Variants in ACTR8 observed in about 807,000 individuals in gnomAD.
The protein encoded by ACTR8 is actin related protein 8.
A neutral mutation model predicts 84.3 loss-of-function variants in ACTR8; 70 were observed. The observed-to-expected ratio is 0.83, with a 90% CI of 0.68 to 1.01. ACTR8 has a LOEUF of 1.01. Among genes scored for constraint, ACTR8 ranks in the 50% least tolerant of loss-of-function variants. The pLI is 0.00. For synonymous variants in ACTR8, 268 were observed against 275.2 expected (o/e 0.97, Z 0.26); for missense variants, 672 against 775.4 (o/e 0.87, Z 1.58).
chr3:53,876,086 G>T lies in ACTR8; in HGVS notation c.779-6C>A, dbSNP rs199721049. The stretch of plus-strand genomic sequence containing the variant: ...CTCCTGATGGACCACAATCCCTGGG[G>T]GGGGAAAAGAAAAGGCAGAGTAGTC... On this transcript the variant is annotated splice_polypyrimidine_tract_variant and splice_region_variant and intron_variant, in intron 6 of 12. Coordinates refer to ENST00000335754, the MANE Select transcript of ACTR8 (RefSeq NM_022899.5). The T allele has an allele frequency of 5.7e-6, 9 of 1,582,346 alleles. No individual in the cohort carries two copies. Among genetic ancestry groups the T allele is most frequent in the Non-Finnish European group, 6.8e-6 (8 of 1,171,426 alleles).
At chr3:53,875,046 A>C (rs77369123) in intron 7 of ACTR8, among the ~76,000 whole-genome samples, 1,553 of 152,342 alleles carry the variant, frequency 0.01, 18 homozygotes, top group African/African-American at 0.034. Flanking sequence ...ATGGGAGAAT[A>C]GCTTAGAGAA....
intron 7 of ACTR8, 112 bp downstream of exon 7, chr3:53,875,836 T>G (rs1699956329): frequency 6.7e-7 from 1 of 1,489,006 alleles, no homozygotes; most frequent in African/African-American, 1.4e-5. Flanking sequence ...CCATGCAGAC[T>G]TTTGAATTTA....
At chr3:53,879,830 A>T (rs1700030949) in intron 2 of ACTR8, 109 bp downstream of exon 2, 2 of 1,150,676 alleles carry the variant, frequency 1.7e-6, no homozygotes, top group African/African-American at 3.1e-5. Context: ...TAATGTTTTA[A>T]AACACAGCAA....
chr3:53,873,601 CCTA>C (rs1699921394), intron 8 of ACTR8, among the ~76,000 whole-genome samples: 1 of 152,232 alleles, frequency 6.6e-6, no homozygotes, highest in South Asian at 2.1e-4. Flanking sequence ...TACATATTTA[CCTA>C]CTATCTTCCT....
rs1457286435 is a variant in ACTR8 at position 53,868,611 on chromosome 3, A to G, written c.*108T>C. ...TAAAGTTCAAATTCATTTACTGTCC[A>G]TGACACTTAAGCATCCAGATCAATA... On this transcript the variant is annotated 3_prime_UTR_variant, in exon 13 of 13. Coordinates refer to ENST00000335754, the MANE Select transcript of ACTR8 (RefSeq NM_022899.5). The G allele has an allele frequency of 2.7e-6, 4 of 1,479,068 alleles. No individual in the cohort carries two copies. The South Asian group carries it at 5.5e-5, about 20-fold the overall frequency. 91.6% of individuals were successfully genotyped at this position (1,479,068 alleles called of 1,614,324 possible).
Position 53,870,238 on chromosome 3 carries a change from A to G in ACTR8, c.1568-93T>C. On this transcript the variant is annotated intron_variant, in intron 11 of 12. Coordinates refer to ENST00000335754, the MANE Select transcript of ACTR8 (RefSeq NM_022899.5). This position sits in a 1 kb window ranked among gnomAD's most constrained non-coding sequence, Gnocchi z 4.1. ...CACCTCTTGCTTGAGCAAGTGCAAT[A>G]GCCTTCTCAAAGATTTCCCTCCAGC... 2 of 1,435,532 alleles carry G rather than the reference A, an allele frequency of 1.4e-6. No individual in the cohort carries two copies. Among genetic ancestry groups the G allele is most frequent in the Non-Finnish European group, 1.9e-6 (2 of 1,054,318 alleles). The allele number at this position is 1,435,532 out of a possible 1,614,324, so 88.9% of individuals were successfully genotyped here.
chr3:53,873,529 T>C (rs566511131), intron 8 of ACTR8, among the ~76,000 whole-genome samples: 3 of 152,358 alleles, frequency 2.0e-5, no homozygotes, highest in Non-Finnish European at 2.9e-5. Flanking sequence ...TGATTAAACA[T>C]TGATTGTTTG....
At chr3:53,866,639 A>G (rs1576856879), downstream of ACTR8, among the ~76,000 whole-genome samples, 5 of 137,204 alleles carry the variant, frequency 3.6e-5, no homozygotes, top group East Asian at 2.7e-4. Flanking sequence ...CCACCACCAC[A>G]CCCAGCTAAC....
In ACTR8 at chr3:53,868,488, T is replaced by C; in HGVS notation, c.*231A>G. 1 of 541,636 alleles carries C rather than the reference T, an allele frequency of 1.8e-6. No homozygotes were observed. The highest frequency in any genetic ancestry group is 1.9e-5 in the African/African-American group (1 of 51,376). The allele number at this position is 541,636 out of a possible 1,614,324, so 33.6% of individuals were successfully genotyped here. On this transcript the variant is annotated 3_prime_UTR_variant, in exon 13 of 13. Coordinates refer to ENST00000335754, the MANE Select transcript of ACTR8 (RefSeq NM_022899.5). ...GAGACCCTGAGAGAGGGCAAGAGAGTTTACAACTGAAGAGAAAGTTCCTAT... is the reference window on the plus strand; with the variant it reads ...GAGACCCTGAGAGAGGGCAAGAGAGCTTACAACTGAAGAGAAAGTTCCTAT...
chr3:53,870,181 T>C lies in ACTR8; in HGVS notation c.1568-36A>G. The C allele has an allele frequency of 1.2e-6, 2 of 1,600,732 alleles. No individual in the cohort carries two copies. Among genetic ancestry groups the C allele is most frequent in the South Asian group, 2.2e-5 (2 of 90,298 alleles). ...AGTTGACATCCTCCATGCTTTTTTC[T>C]CCACATCCATAATTCTAGGCCAAGC... On this transcript the variant is annotated intron_variant, in intron 11 of 12. Coordinates refer to ENST00000335754, the MANE Select transcript of ACTR8 (RefSeq NM_022899.5). The surrounding 1 kb of genome is among the most constrained non-coding windows in gnomAD (Gnocchi z 4.1).
In ACTR8 at chr3:53,874,222, G is replaced by A. The variant is rs774457196; in HGVS notation, c.1054C>T (p.His352Tyr). The change falls in exon 8 of 13, where the codon CAT becomes TAT. Residue 352 changes from histidine (H) to tyrosine (Y), a missense_variant. Physicochemically the swap from His to Tyr is moderately conservative, Grantham distance 83. Coordinates refer to ENST00000335754, the MANE Select transcript of ACTR8 (RefSeq NM_022899.5). ...GATTCTGCTCCCACCTGATCTAAAT[G>A]ACAAAAAGTTTCTTTAAGGTGTTGC... ...LLQHLKETFCHLDQDISGLQD... is the reference protein window; with the variant it reads ...LLQHLKETFCYLDQDISGLQD... 2.5e-6 allele frequency: 4 copies of A among 1,613,080 alleles called. No individual in the cohort carries two copies. The highest frequency in any genetic ancestry group is 3.4e-6 in the Non-Finnish European group (4 of 1,179,674).
At position 53,877,309 on chromosome 3, in the gene ACTR8, G is replaced by A; in HGVS notation, c.589C>T (p.Pro197Ser). The A allele has an allele frequency of 6.2e-7, 1 of 1,614,058 alleles. No individual in the cohort carries two copies. Among genetic ancestry groups the A allele is most frequent in the Non-Finnish European group, 8.5e-7 (1 of 1,179,946 alleles). Residue 197 changes from proline to serine, a missense_variant, in exon 5 of 13, where the codon CCT becomes TCT. Pro to Ser is a moderately conservative substitution (Grantham distance 74). Transcript: ENST00000335754. ...RRGQLNIHPGPGGSLTAVLAD... is the reference protein window; with the variant it reads ...RRGQLNIHPGSGGSLTAVLAD... ...AGAACAGCTGTAAGAGAGCCCCCAG[G>A]GCCTGGGTGAATATTTAACTGACCT...
chr3:53,879,755 C>T (rs1700030341), intron 2 of ACTR8, among the ~76,000 whole-genome samples, 184 bp downstream of exon 2: 1 of 152,180 alleles, frequency 6.6e-6, no homozygotes, highest in South Asian at 2.1e-4. Context: ...GAAAGACTTA[C>T]TTTTGTTGTA....
In ACTR8 at chr3:53,867,232, T is replaced by G. The variant is rs1234584559; in HGVS notation, c.*1487A>C. 2.0e-5 allele frequency: 3 copies of G among 152,274 alleles called. No individual in the cohort carries two copies. The highest frequency in any genetic ancestry group is 4.4e-5 in the Non-Finnish European group (3 of 68,048). 9.4% of individuals were successfully genotyped at this position (152,274 alleles called of 1,614,324 possible). On this transcript the variant is annotated 3_prime_UTR_variant, in exon 13 of 13. Transcript: ENST00000335754. Reference sequence around the variant, plus strand: ...AGCAATATGCTGTTAGGTGAAGAACTGTTTAACAGAAATATATTATGTTTT... The same window carrying G: ...AGCAATATGCTGTTAGGTGAAGAACGGTTTAACAGAAATATATTATGTTTT...
At chr3:53,869,510 C>T (rs1314961805) in intron 12 of ACTR8, among the ~76,000 whole-genome samples, 1 of 152,174 alleles carries the variant, frequency 6.6e-6, no homozygotes, top group Non-Finnish European at 1.5e-5. Flanking sequence ...GAAATAGGAA[C>T]ATTTCCAGGA....
intron 7 of ACTR8, among the ~76,000 whole-genome samples, chr3:53,875,494 TACTC>T (rs1488720021): frequency 6.6e-6 from 1 of 152,230 alleles, no homozygotes; most frequent in Non-Finnish European, 1.5e-5. Flanking sequence ...ATCATAAAGT[TACTC>T]ACCCGCAGAA....
chr3:53,881,815 C>T (rs1477885339), intron 1 of ACTR8, 164 bp downstream of exon 1: 16 of 1,200,260 alleles, frequency 1.3e-5, no homozygotes, highest in African/African-American at 4.6e-5. Flanking sequence ...CCCTCGGCGT[C>T]CCGGCGCGCC....
In ACTR8 at chr3:53,876,089, G is replaced by A. The variant is rs950496727; in HGVS notation, c.779-9C>T. ...CTGATGGACCACAATCCCTGGGGGG[G>A]GAAAAGAAAAGGCAGAGTAGTCATT... On this transcript the variant is annotated splice_polypyrimidine_tract_variant and intron_variant, in intron 6 of 12. Coordinates refer to ENST00000335754, the MANE Select transcript of ACTR8 (RefSeq NM_022899.5). The A allele has an allele frequency of 6.3e-6, 10 of 1,582,134 alleles. No individual in the cohort carries two copies. The highest frequency in any genetic ancestry group is 7.7e-6 in the Non-Finnish European group (9 of 1,171,490).
At chr3:53,871,209 C>T (rs752689478) in intron 11 of ACTR8, 23 bp downstream of exon 11, 26 of 1,599,096 alleles carry the variant, frequency 1.6e-5, no homozygotes, top group African/African-American at 2.7e-5. Flanking sequence ...CTGCTATCTC[C>T]CGGTCTCCCC....
Sources: allele counts gnomAD v4.1 joint callset (sites outside exome capture counted in the v4.1 genomes callset), GRCh38; gene constraint gnomAD v4.1.1; non-coding constraint Gnocchi (gnomAD v3.1); transcripts MANE v1.5; gene names NCBI Gene and HGNC (gene_info 2026-07-23, HGNC 2026-07-21).